Variants in RAB3C observed in about 807,000 individuals in gnomAD.
RAB3C encodes ras-related protein Rab-3C.
Under a neutral mutation model 26.4 loss-of-function variants are expected in RAB3C, and 17 were observed. That is an observed-to-expected ratio of 0.64 (90% CI 0.44 to 0.97). The LOEUF is 0.97. Among genes scored for constraint, RAB3C ranks in the 50% least tolerant of loss-of-function variants. The probability of loss-of-function intolerance (pLI) is 0.00; values close to 1 mark genes in which losing one functional copy is unlikely to be tolerated. For synonymous variants in RAB3C, 91 were observed against 95.9 expected, an observed-to-expected ratio of 0.95 and a Z score of 0.30; for missense variants, 242 against 281.9, an observed-to-expected ratio of 0.86 and a Z score of 1.01.
chr5:58,667,923 A>T (rs2111818433), intron 2 of RAB3C, among the ~76,000 whole-genome samples: 1 of 152,266 alleles, frequency 6.6e-6, no homozygotes, highest in South Asian at 2.1e-4. Flanking sequence ...TATGGACTTG[A>T]AATTATTAAT....
chr5:58,771,886 T>C (rs1029751215), intron 3 of RAB3C, among the ~76,000 whole-genome samples: 4 of 150,388 alleles, frequency 2.7e-5, no homozygotes, highest in African/African-American at 9.8e-5. Context: ...CTGGCAGAGG[T>C]TAATGGCAAA....
At chr5:58,593,155 C>T (rs1389154198) in intron 1 of RAB3C, among the ~76,000 whole-genome samples, 2 of 152,034 alleles carry the variant, frequency 1.3e-5, no homozygotes, top group Non-Finnish European at 2.9e-5. Context: ...ATTTTAAGTT[C>T]AATGACTTTT....
intron 2 of RAB3C, among the ~76,000 whole-genome samples, chr5:58,719,806 GACCT>G (rs910255321): frequency 4.6e-5 from 7 of 151,940 alleles, no homozygotes; most frequent in African/African-American, 1.7e-4. Context: ...AATCCAAAGT[GACCT>G]ACCTACTGGG....
At chr5:58,650,300 A>G (rs1020247297) in intron 2 of RAB3C, among the ~76,000 whole-genome samples, 3 of 152,186 alleles carry the variant, frequency 2.0e-5, no homozygotes, top group African/African-American at 7.2e-5. Context: ...TGATTTAGTA[A>G]TATCAGGTAA....
intron 3 of RAB3C, among the ~76,000 whole-genome samples, chr5:58,745,133 C>T (rs1375733414): frequency 6.6e-6 from 1 of 151,936 alleles, no homozygotes; most frequent in Non-Finnish European, 1.5e-5. Flanking sequence ...CGCGGTGGCT[C>T]ACGCCTGTAA....
intron 3 of RAB3C, among the ~76,000 whole-genome samples, chr5:58,748,596 G>T (rs1422746956): frequency 1.3e-5 from 2 of 151,364 alleles, no homozygotes; most frequent in Non-Finnish European, 3.0e-5. Context: ...TCCCATGGGT[G>T]TGTGTGTGTG....
At chr5:58,610,395 C>T (rs1746673714) in intron 1 of RAB3C, among the ~76,000 whole-genome samples, 1 of 152,016 alleles carries the variant, frequency 6.6e-6, no homozygotes, top group African/African-American at 2.4e-5. Context: ...CACATCCTTG[C>T]CAGCAATTGT....
At chr5:58,637,389 T>G (rs542403166) in intron 2 of RAB3C, among the ~76,000 whole-genome samples, 78 of 152,260 alleles carry the variant, frequency 5.1e-4, no homozygotes, top group African/African-American at 1.8e-3. Flanking sequence ...TGACTAGATA[T>G]TCATTATCCG....
chr5:58,671,348 G>A (rs1462616072), intron 2 of RAB3C, among the ~76,000 whole-genome samples: 1 of 152,124 alleles, frequency 6.6e-6, no homozygotes, highest in Admixed American at 6.6e-5. Flanking sequence ...TCATACAGTT[G>A]GCAAGAGGCA....
intron 3 of RAB3C, among the ~76,000 whole-genome samples, chr5:58,750,357 C>A (rs1288869579): frequency 6.6e-6 from 1 of 152,182 alleles, no homozygotes; most frequent in Non-Finnish European, 1.5e-5. Flanking sequence ...GCTTCAAGGG[C>A]AGCTATCTCA....
At chr5:58,616,370 T>C (rs917258721) in intron 1 of RAB3C, among the ~76,000 whole-genome samples, 17 of 152,192 alleles carry the variant, frequency 1.1e-4, no homozygotes, top group African/African-American at 4.1e-4. Flanking sequence ...GTGGCTACCA[T>C]ATTAAACAGA....
chr5:58,774,987 T>G (rs1742096797), intron 3 of RAB3C, among the ~76,000 whole-genome samples: 1 of 152,036 alleles, frequency 6.6e-6, no homozygotes, highest in Admixed American at 6.6e-5. Flanking sequence ...TGGGAAGGTT[T>G]TGAGTAGAGG....
At chr5:58,655,606 A>C (rs919277795) in intron 2 of RAB3C, among the ~76,000 whole-genome samples, 4 of 152,136 alleles carry the variant, frequency 2.6e-5, no homozygotes, top group African/African-American at 9.7e-5. Flanking sequence ...AATTTTTTTT[A>C]AAAAGAGCAA....
chr5:58,642,609 G>T (rs909610943), intron 2 of RAB3C, among the ~76,000 whole-genome samples: 1 of 152,176 alleles, frequency 6.6e-6, no homozygotes, highest in Non-Finnish European at 1.5e-5. Flanking sequence ...GTTGTGACTT[G>T]CCTGAAGTAA....
chr5:58,614,278 T>G (rs1746776772), intron 1 of RAB3C, among the ~76,000 whole-genome samples: 1 of 152,132 alleles, frequency 6.6e-6, no homozygotes, highest in South Asian at 2.1e-4. Flanking sequence ...AGTGCCTGTC[T>G]GTAAACCTCT....
At chr5:58,690,972 T>A (rs764192457) in intron 2 of RAB3C, among the ~76,000 whole-genome samples, 72 of 152,314 alleles carry the variant, frequency 4.7e-4, no homozygotes, top group Middle Eastern at 3.4e-3. Flanking sequence ...GATGATAGCT[T>A]ACAGAAGATT....
chr5:58,756,477 T>C (rs1044886177), intron 3 of RAB3C, among the ~76,000 whole-genome samples: 2 of 149,720 alleles, frequency 1.3e-5, no homozygotes, highest in East Asian at 3.9e-4. Flanking sequence ...GCTATACGTG[T>C]GCCATGATGG....
chr5:58,836,467 A>C (rs974676857), intron 4 of RAB3C, among the ~76,000 whole-genome samples: 1 of 152,158 alleles, frequency 6.6e-6, no homozygotes, highest in Non-Finnish European at 1.5e-5. Flanking sequence ...GGTACAGAAC[A>C]CTAGAACTTA....
intron 3 of RAB3C, among the ~76,000 whole-genome samples, chr5:58,765,924 A>G (rs1741891394): frequency 6.6e-6 from 1 of 151,898 alleles, no homozygotes; most frequent in Non-Finnish European, 1.5e-5. Context: ...TGGTTGTTTA[A>G]AAGTGTGTAG....
Sources: allele counts gnomAD v4.1 joint callset (sites outside exome capture counted in the v4.1 genomes callset), GRCh38; gene constraint gnomAD v4.1.1; transcripts MANE v1.5; gene names NCBI Gene and HGNC (gene_info 2026-07-23, HGNC 2026-07-21).